CDC14A: variants seen among roughly 807,000 people sequenced by gnomAD.
CDC14A encodes dual specificity protein phosphatase CDC14A.
CDC14A carries 53 observed loss-of-function variants against 74.4 expected under a neutral mutation model. The ratio of observed to expected loss-of-function variants is 0.71; its 90% CI spans 0.57 to 0.89. The LOEUF is 0.89. Ranked by LOEUF, CDC14A falls within the 40% of genes least tolerant of loss-of-function variation. The pLI is 0.00. For missense variants in CDC14A, 646 were observed against 713.7 expected, an observed-to-expected ratio of 0.91 and a Z score of 1.08; for synonymous variants, 247 against 258.4, an observed-to-expected ratio of 0.96 and a Z score of 0.43.
intron 10 of CDC14A, among the ~76,000 whole-genome samples, chr1:100,478,683 T>C (rs1472297216): frequency 6.6e-6 from 1 of 152,220 alleles, no homozygotes; most frequent in Admixed American, 6.5e-5. Flanking sequence ...CCATTTTGAA[T>C]GAGGTTATCT....
chr1:100,397,402 A>T (rs759090906), intron 4 of CDC14A, among the ~76,000 whole-genome samples: 1 of 152,234 alleles, frequency 6.6e-6, no homozygotes, highest in Non-Finnish European at 1.5e-5. Context: ...TGAAGTTAGG[A>T]TGTTTAGATC....
intron 4 of CDC14A, among the ~76,000 whole-genome samples, chr1:100,411,274 C>A (rs1463313898): frequency 6.6e-6 from 1 of 152,170 alleles, no homozygotes; most frequent in Non-Finnish European, 1.5e-5. Flanking sequence ...GTGTGAATAA[C>A]CGCTTACCTC....
intron 4 of CDC14A, among the ~76,000 whole-genome samples, chr1:100,421,765 C>T (rs150532190): frequency 0.013 from 1,919 of 152,274 alleles, 40 homozygotes; most frequent in African/African-American, 0.044. Flanking sequence ...CCTAGAGCAA[C>T]AACGCGAGTT....
intron 2 of CDC14A, among the ~76,000 whole-genome samples, chr1:100,374,420 C>T (rs923445276): frequency 2.6e-5 from 4 of 152,180 alleles, no homozygotes; most frequent in Non-Finnish European, 4.4e-5. Flanking sequence ...ACAGTCCCAC[C>T]AACAGTGTAA....
chr1:100,515,778 C>G (rs926639267), intron 15 of CDC14A, among the ~76,000 whole-genome samples: 10 of 152,272 alleles, frequency 6.6e-5, no homozygotes, highest in Admixed American at 2.0e-4. Flanking sequence ...TTGCTGAACC[C>G]TTTTTACTGA....
rs185037156 is a variant in CDC14A, at chr1:100,475,255, T to C, written c.977+7161T>C. Among the ~76,000 whole-genome samples the C allele has an allele frequency of 3.9e-3, 593 of 152,362 alleles. 1 individual carries two copies. Among genetic ancestry groups the C allele is most frequent in the South Asian group, 0.011 (52 of 4,830 alleles). ...CTATTCTAAACTTTCTGTTTGGTTT[T>C]CTTTATATCTATTTCTTTGCTGAAA... is the stretch of plus-strand genomic sequence containing the variant. On this transcript the variant is annotated intron_variant, in intron 10 of 15. Coordinates refer to ENST00000336454, the MANE Select transcript of CDC14A (RefSeq NM_003672.4).
At chr1:100,424,330 A>C in intron 5 of CDC14A, 29 bp downstream of exon 5, 1 of 1,518,754 alleles carries the variant, frequency 6.6e-7, no homozygotes, top group Non-Finnish European at 9.1e-7. Context: ...CTTGGGTTAA[A>C]CTTTTGCTAC....
intron 2 of CDC14A, among the ~76,000 whole-genome samples, chr1:100,361,380 G>A (rs1652732057): frequency 6.6e-6 from 1 of 152,200 alleles, no homozygotes; most frequent in Admixed American, 6.5e-5. Context: ...GTATGTGTTA[G>A]GAGTTCAAGA....
intron 9 of CDC14A, among the ~76,000 whole-genome samples, chr1:100,466,871 C>CAA (rs11382441): frequency 0.021 from 1,818 of 87,094 alleles, 38 homozygotes; most frequent in African/African-American, 0.04. Flanking sequence ...ACTCGGTCTC[C>CAA]AAAAAAAAAA....
At chr1:100,408,843 T>A (rs541420609) in intron 4 of CDC14A, among the ~76,000 whole-genome samples, 133 of 152,338 alleles carry the variant, frequency 8.7e-4, no homozygotes, top group African/African-American at 3.2e-3. Flanking sequence ...ATAATTTCTT[T>A]ATGTTGGGGA....
At chr1:100,477,104 C>T (rs1043571896) in intron 10 of CDC14A, among the ~76,000 whole-genome samples, 1 of 152,136 alleles carries the variant, frequency 6.6e-6, no homozygotes, top group Non-Finnish European at 1.5e-5. Flanking sequence ...TCAAAGCCTC[C>T]ATATGGAACC....
Position 100,395,682 on chromosome 1 carries a change from G to A in CDC14A, c.309+4858G>A, listed in dbSNP as rs115796411. 6.0e-3 allele frequency among the ~76,000 whole-genome samples: 911 copies of A among 152,202 alleles called. 3 individuals carry two copies. The highest frequency in any genetic ancestry group is 9.6e-3 in the Non-Finnish European group (651 of 68,004). On this transcript the variant is annotated intron_variant, in intron 4 of 15. Transcript: ENST00000336454. Reference sequence around the variant, plus strand: ...CTTTTAAAATTGTAAATTAGATCACGTCATTACCCTGTTTCAAATCTGTTA... The same window carrying A: ...CTTTTAAAATTGTAAATTAGATCACATCATTACCCTGTTTCAAATCTGTTA...
chr1:100,348,529 C>G (rs147013909), upstream of CDC14A, among the ~76,000 whole-genome samples: 5 of 152,248 alleles, frequency 3.3e-5, no homozygotes, highest in Admixed American at 6.5e-5. Context: ...CAGTTTATCA[C>G]TAGTCTGCAT....
chr1:100,470,023 A>T (rs1472712707), intron 10 of CDC14A, among the ~76,000 whole-genome samples: 1 of 152,200 alleles, frequency 6.6e-6, no homozygotes, highest in Non-Finnish European at 1.5e-5. Flanking sequence ...TTGAACAGAA[A>T]GTCCTCCAAA....
At chr1:100,464,468 A>C (rs1667604389) in intron 9 of CDC14A, among the ~76,000 whole-genome samples, 2 of 152,230 alleles carry the variant, frequency 1.3e-5, no homozygotes, top group South Asian at 4.1e-4. Context: ...AGTATTGCCC[A>C]GGTCCAAGAA....
chr1:100,518,679 C>G lies in CDC14A; in HGVS notation c.*399C>G, dbSNP rs1043393930. ...TATATAAAATTATGTAAAAACTACACTATATTTTGATTTAGATTTTCCTGC... is the reference window on the plus strand; with the variant it reads ...TATATAAAATTATGTAAAAACTACAGTATATTTTGATTTAGATTTTCCTGC... On this transcript the variant is annotated 3_prime_UTR_variant, in exon 16 of 16. Coordinates refer to ENST00000336454, the MANE Select transcript of CDC14A (RefSeq NM_003672.4). The G allele has an allele frequency of 3.3e-5, 5 of 152,690 alleles. No homozygotes were observed. Among genetic ancestry groups the G allele is most frequent in the African/African-American group, 7.2e-5 (3 of 41,400 alleles). The allele number at this position is 152,690 out of a possible 1,614,324, so 9.5% of individuals were successfully genotyped here. A position where few individuals can be genotyped will look rare whatever the true frequency, so the allele number is the denominator to read the frequency against.
At position 100,369,548 on chromosome 1, in the gene CDC14A, C is replaced by G. The variant is rs1236293453; in HGVS notation, c.141-7998C>G. 2.6e-5 allele frequency among the ~76,000 whole-genome samples: 4 copies of G among 152,088 alleles called. No individual in the cohort carries two copies. The East Asian group carries it at 7.7e-4, about 29-fold the overall frequency. Reference sequence around the variant, plus strand: ...TTTCTTCTTTTGAGAAGTGTCTGTTCATGTCTTTTGCTCATTTTTTAATGG... The same window carrying G: ...TTTCTTCTTTTGAGAAGTGTCTGTTGATGTCTTTTGCTCATTTTTTAATGG... On this transcript the variant is annotated intron_variant, in intron 2 of 15. Coordinates refer to ENST00000336454, the MANE Select transcript of CDC14A (RefSeq NM_003672.4).
chr1:100,495,748 T>C (rs1399504778), intron 12 of CDC14A, among the ~76,000 whole-genome samples: 3 of 152,158 alleles, frequency 2.0e-5, no homozygotes, highest in Non-Finnish European at 2.9e-5. Context: ...TGTAGTCAGA[T>C]TGGGTCTTTA....
intron 9 of CDC14A, among the ~76,000 whole-genome samples, chr1:100,464,668 G>A (rs1470899775): frequency 1.3e-5 from 2 of 151,976 alleles, no homozygotes; most frequent in South Asian, 2.1e-4. Flanking sequence ...TTATTACTAC[G>A]TCGTAGAGTT....
Sources: allele counts gnomAD v4.1 joint callset (sites outside exome capture counted in the v4.1 genomes callset), GRCh38; gene constraint gnomAD v4.1.1; transcripts MANE v1.5; gene names NCBI Gene and HGNC (gene_info 2026-07-23, HGNC 2026-07-21).